Variants in SPATA13 observed in about 807,000 individuals in gnomAD.
SPATA13 encodes the protein spermatogenesis-associated protein 13.
In SPATA13, 50 loss-of-function variants were observed where a neutral mutation model predicts 104.0. The observed-to-expected ratio is 0.48, with a 90% CI of 0.38 to 0.61. SPATA13 has a LOEUF of 0.61. Among genes scored for constraint, SPATA13 ranks in the 20% least tolerant of loss-of-function variants. The probability of loss-of-function intolerance (pLI) is 0.00; values close to 1 mark genes in which losing one functional copy is unlikely to be tolerated. For missense variants in SPATA13, 1,524 were observed against 1,690.6 expected (o/e 0.90, Z 1.73); for synonymous variants, 606 against 667.5 (o/e 0.91, Z 1.42).
At chr13:23,989,661 A>G (rs1006291839) in intron 2 of SPATA13, among the ~76,000 whole-genome samples, 1 of 151,992 alleles carries the variant, frequency 6.6e-6, no homozygotes, top group African/African-American at 2.4e-5. Flanking sequence ...TTCTCCACAT[A>G]CCTATCTACT....
intron 3 of SPATA13, among the ~76,000 whole-genome samples, chr13:24,144,655 G>A (rs1470027903): frequency 6.6e-6 from 1 of 152,124 alleles, no homozygotes; most frequent in Non-Finnish European, 1.5e-5. Flanking sequence ...CCGGGTTGCA[G>A]CACACCAGCC....
intron 2 of SPATA13, among the ~76,000 whole-genome samples, chr13:24,240,023 G>A (rs1872755480): frequency 6.6e-6 from 1 of 151,734 alleles, no homozygotes; most frequent in Non-Finnish European, 1.5e-5. Context: ...TGCAACCTAC[G>A]ACCGGGTGTG....
chr13:23,984,950 G>A (rs570680978), intron 2 of SPATA13, among the ~76,000 whole-genome samples: 2 of 152,326 alleles, frequency 1.3e-5, no homozygotes, highest in African/African-American at 4.8e-5. Context: ...CGGCCGGCGT[G>A]CACATCACAT....
intron 3 of SPATA13, among the ~76,000 whole-genome samples, chr13:24,108,193 A>C (rs1880516964): frequency 6.6e-6 from 1 of 152,266 alleles, no homozygotes; most frequent in South Asian, 2.1e-4. Context: ...AATCCATGAG[A>C]GCTCCACCCT....
intron 2 of SPATA13, among the ~76,000 whole-genome samples, chr13:24,236,136 G>GGAT (rs912319071): frequency 3.9e-5 from 6 of 152,156 alleles, no homozygotes; most frequent in African/African-American, 1.2e-4. Flanking sequence ...ATCTGCTTTG[G>GGAT]GATGTGGCTT....
chr13:24,146,108 G>C (rs1881922442), intron 3 of SPATA13, among the ~76,000 whole-genome samples: 2 of 152,246 alleles, frequency 1.3e-5, no homozygotes, highest in Admixed American at 6.5e-5. Flanking sequence ...TTAAGCAGGA[G>C]GGGAGGATGA....
chr13:24,049,150 A>G (rs1453719348), intron 3 of SPATA13, among the ~76,000 whole-genome samples: 1 of 152,212 alleles, frequency 6.6e-6, no homozygotes, highest in African/African-American at 2.4e-5. Context: ...CAGTTGTTTT[A>G]TCTCCTTTGC....
At chr13:24,297,028 TTTGTTTGTTTG>T (rs1251066764) in intron 10 of SPATA13, among the ~76,000 whole-genome samples, 1 of 151,784 alleles carries the variant, frequency 6.6e-6, no homozygotes, top group African/African-American at 2.4e-5. Flanking sequence ...GTTGTTGTTG[TTTGTTTGTTTG>T]TTGTTGTTGT....
chr13:24,137,596 C>CA (rs953097657), intron 3 of SPATA13, among the ~76,000 whole-genome samples: 55 of 152,122 alleles, frequency 3.6e-4, no homozygotes, highest in South Asian at 6.2e-4. Context: ...CCCACCACTA[C>CA]AAAAAATACA....
At position 24,290,870 on chromosome 13, in the gene SPATA13, C is replaced by T; in HGVS notation, c.3066C>T (p.Thr1022=). Residue 1022 remains threonine, a synonymous_variant, in exon 9 of 13, where the codon ACC becomes ACT. Coordinates refer to ENST00000382108, the MANE Select transcript of SPATA13 (RefSeq NM_001166271.3). The part of the protein sequence containing the change: ...PLQLAELLKY[T]TQEHGDYSNI... ...AGCTGGCCGAGCTGCTCAAGTATAC[C>T]ACACAGGAACACGGGTGAGGGGCAT... The T allele has an allele frequency of 6.2e-7, 1 of 1,613,820 alleles. No homozygotes were observed. Among genetic ancestry groups the T allele is most frequent in the Admixed American group, 1.7e-5 (1 of 60,010 alleles).
At chr13:24,052,124 C>A (rs919688240) in intron 3 of SPATA13, among the ~76,000 whole-genome samples, 12 of 152,086 alleles carry the variant, frequency 7.9e-5, no homozygotes, top group Non-Finnish European at 1.3e-4. Flanking sequence ...CTGTGCTTAA[C>A]GCAATTCCAA....
chr13:24,006,309 G>A (rs1876225600), intron 2 of SPATA13, among the ~76,000 whole-genome samples: 1 of 152,164 alleles, frequency 6.6e-6, no homozygotes, highest in Non-Finnish European at 1.5e-5. Context: ...TCATCAGCAG[G>A]TAAACACACA....
At chr13:24,014,785 A>G (rs953953754) in intron 2 of SPATA13, among the ~76,000 whole-genome samples, 4 of 151,850 alleles carry the variant, frequency 2.6e-5, no homozygotes, top group Non-Finnish European at 4.4e-5. Context: ...TATTCACACA[A>G]GTTATTTCAG....
intron 1 of SPATA13, among the ~76,000 whole-genome samples, chr13:23,983,092 A>G (rs1181227666): frequency 1.3e-5 from 2 of 152,212 alleles, no homozygotes; most frequent in Non-Finnish European, 1.5e-5. Context: ...CCACTGTTCA[A>G]AAATGGGAGT....
chr13:24,018,873 G>A (rs1346970514), intron 3 of SPATA13, among the ~76,000 whole-genome samples: 2 of 152,156 alleles, frequency 1.3e-5, no homozygotes, highest in East Asian at 1.9e-4. Context: ...TACTTCAAAA[G>A]CATTTGGTGT....
intron 1 of SPATA13, among the ~76,000 whole-genome samples, chr13:24,166,852 G>A (rs901677995): frequency 6.6e-6 from 1 of 152,194 alleles, no homozygotes; most frequent in Non-Finnish European, 1.5e-5. Flanking sequence ...CACGAGAGGG[G>A]AGCCCTCATG....
At chr13:24,111,844 C>T (rs1455319044) in intron 3 of SPATA13, among the ~76,000 whole-genome samples, 2 of 152,194 alleles carry the variant, frequency 1.3e-5, no homozygotes, top group African/African-American at 4.8e-5. Context: ...TCTTGTTTCA[C>T]TATTTTGCCT....
At chr13:24,298,956 C>G in intron 11 of SPATA13, among the ~76,000 whole-genome samples, 1 of 152,150 alleles carries the variant, frequency 6.6e-6, no homozygotes, top group South Asian at 2.1e-4. Flanking sequence ...GCCCCTTACA[C>G]CAAGTGTCAG....
rs1007234271 is a variant in SPATA13 at position 24,088,292 on chromosome 13, G to C, written c.-112+70591G>C. Among the ~76,000 whole-genome samples, 1 of 152,146 alleles carries C rather than the reference G, an allele frequency of 6.6e-6. No individual in the cohort carries two copies. Among genetic ancestry groups the C allele is most frequent in the Non-Finnish European group, 1.5e-5 (1 of 68,022 alleles). ...GATGAGCACACCGAGGCTCAGAGCGGTAAGGAATTGGCCCGCAGTCACATG... is the reference window on the plus strand; with the variant it reads ...GATGAGCACACCGAGGCTCAGAGCGCTAAGGAATTGGCCCGCAGTCACATG... On this transcript the variant is annotated intron_variant, in intron 3 of 14. Coordinates refer to the SPATA13 transcript ENST00000424834. This position sits in a 1 kb window ranked among gnomAD's most constrained non-coding sequence, Gnocchi z 4.3.
Sources: gnomAD v4.1 joint callset for allele counts (sites outside exome capture counted in the v4.1 genomes callset) on GRCh38, gnomAD v4.1.1 for gene constraint, Gnocchi (gnomAD v3.1) non-coding constraint, MANE v1.5 for transcripts, NCBI Gene and HGNC (gene_info 2026-07-23, HGNC 2026-07-21) for gene names.